Variants in PTPN21 observed in about 807,000 individuals in gnomAD.
PTPN21 encodes tyrosine-protein phosphatase non-receptor type 21.
A neutral mutation model predicts 131.8 loss-of-function variants in PTPN21; 77 were observed. The ratio of observed to expected loss-of-function variants is 0.58; its 90% CI spans 0.49 to 0.71. PTPN21 has a LOEUF of 0.71. PTPN21 is among the 30% of genes least tolerant of loss of function. The pLI, the probability that PTPN21 is intolerant of heterozygous loss-of-function variation, is 0.00. For synonymous variants in PTPN21, 715 were observed against 621.3 expected (o/e 1.15, Z -2.24); for missense variants, 1,552 against 1,527.1 (o/e 1.02, Z -0.27).
chr14:88,519,234 C>T (rs1261866263), intron 2 of PTPN21, among the ~76,000 whole-genome samples: 1 of 152,192 alleles, frequency 6.6e-6, no homozygotes, highest in Non-Finnish European at 1.5e-5. Flanking sequence ...ATACTTGCCT[C>T]AAAATCAATC....
chr14:88,507,074 A>G (rs948071947), intron 4 of PTPN21, among the ~76,000 whole-genome samples: 2 of 151,816 alleles, frequency 1.3e-5, no homozygotes, highest in African/African-American at 4.9e-5. Context: ...TAAATAAATA[A>G]GAAGAACTTA....
At chr14:88,481,749 G>A (rs777808508) in intron 12 of PTPN21, among the ~76,000 whole-genome samples, 3 of 152,162 alleles carry the variant, frequency 2.0e-5, no homozygotes, top group Non-Finnish European at 2.9e-5. Flanking sequence ...CAGTTAAGGG[G>A]ACTTGAGGGG....
intron 14 of PTPN21, among the ~76,000 whole-genome samples, chr14:88,472,788 T>C (rs1304902526): frequency 6.6e-6 from 1 of 152,212 alleles, no homozygotes; most frequent in East Asian, 1.9e-4. Context: ...GAGGATTGCT[T>C]GAGCCCAGGA....
rs749684956 is a variant in PTPN21, at chr14:88,469,697, G to A, written c.3037C>T (p.Arg1013Ter). 3.1e-6 allele frequency: 5 copies of A among 1,614,130 alleles called. No homozygotes were observed. Among genetic ancestry groups the A allele is most frequent in the East Asian group, 2.2e-5 (1 of 44,888 alleles). Residue 1013 changes from arginine to a stop codon, truncating the protein, a stop_gained, in exon 17 of 19, where the codon CGA becomes TGA. Transcript: ENST00000556564. LOFTEE classifies it high-confidence loss of function. The surrounding 1 kb of genome is among the most constrained non-coding windows in gnomAD (Gnocchi z 4.3). Reference sequence around the variant, plus strand: ...ACAGTGTTGTGCCTGGAACCAAGTCGTGGCCAGTACCTAAAGCTCTTCTCC... The same window carrying A: ...ACAGTGTTGTGCCTGGAACCAAGTCATGGCCAGTACCTAAAGCTCTTCTCC... ...GREKSFRYWP[R>*]LGSRHNTVTY...
In PTPN21 at chr14:88,550,629, G is replaced by T; in HGVS notation, c.-202-10C>A. ...AGCATTGACGCCAGCGCTGGGGAAAGAGGAACGCCGTTAGTTAAGCAAACG... is the reference window on the plus strand; with the variant it reads ...AGCATTGACGCCAGCGCTGGGGAAATAGGAACGCCGTTAGTTAAGCAAACG... On this transcript the variant is annotated splice_polypyrimidine_tract_variant and intron_variant, in intron 1 of 18. Transcript: ENST00000556564. The T allele has an allele frequency of 2.0e-6, 1 of 501,052 alleles. No individual in the cohort carries two copies. Among genetic ancestry groups the T allele is most frequent in the Non-Finnish European group, 3.5e-6 (1 of 285,064 alleles). 31.0% of individuals were successfully genotyped at this position (501,052 alleles called of 1,614,324 possible).
In PTPN21 at chr14:88,502,191, G is replaced by A. The variant is rs550032151; in HGVS notation, c.588-823C>T. On this transcript the variant is annotated intron_variant, in intron 6 of 18. Transcript: ENST00000556564. ...TGCATCTCCAGCCTCATCTTCCGATGCTCCCCGCTGTCCTCAAGGCACCCA... is the reference window on the plus strand; with the variant it reads ...TGCATCTCCAGCCTCATCTTCCGATACTCCCCGCTGTCCTCAAGGCACCCA... Among the ~76,000 whole-genome samples the A allele has an allele frequency of 1.1e-3, 166 of 152,190 alleles. 1 individual carries two copies. Among genetic ancestry groups the A allele is most frequent in the Middle Eastern group, 3.4e-3 (1 of 294 alleles).
intron 10 of PTPN21, among the ~76,000 whole-genome samples, chr14:88,486,277 C>T (rs2140109216): frequency 6.6e-6 from 1 of 152,330 alleles, no homozygotes; most frequent in South Asian, 2.1e-4. Flanking sequence ...CACTAACCTT[C>T]CTCCCGGGGG....
Position 88,546,405 on chromosome 14 carries a change from AAAAAATAC to A in PTPN21, c.180+3825_180+3832del, listed in dbSNP as rs1047666673. 1.7e-4 allele frequency among the ~76,000 whole-genome samples: 26 copies of A among 151,300 alleles called. 1 individual carries two copies. The highest frequency in any genetic ancestry group is 5.8e-4 in the African/African-American group (24 of 41,340). ...AAACCCCATCTCTACTTAAAAAAAA[AAAAAATAC>A]AAAAATACAAAAATTAGCCGGGCAT... On this transcript the variant is annotated intron_variant, in intron 2 of 18. Transcript: ENST00000556564.
Position 88,466,719 on chromosome 14 carries a change from C to G in PTPN21, c.*1418G>C, listed in dbSNP as rs2077369636. 1.3e-5 allele frequency: 2 copies of G among 152,104 alleles called. No homozygotes were observed. The highest frequency in any genetic ancestry group is 2.9e-5 in the Non-Finnish European group (2 of 68,030). 9.4% of individuals were successfully genotyped at this position (152,104 alleles called of 1,614,324 possible). ...CCTGGCTCTGTCTATTGGGATGTGC[C>G]TAAATGGGATGGGTGAGGGGGCACT... On this transcript the variant is annotated 3_prime_UTR_variant, in exon 19 of 19. Transcript: ENST00000556564.
At chr14:88,533,488 A>T (rs2078581656) in intron 2 of PTPN21, among the ~76,000 whole-genome samples, 1 of 152,252 alleles carries the variant, frequency 6.6e-6, no homozygotes, top group South Asian at 2.1e-4. Context: ...CAGCACATAC[A>T]ACTATGTACA....
intron 10 of PTPN21, among the ~76,000 whole-genome samples, chr14:88,486,514 T>TA (rs567734311): frequency 1.6e-3 from 250 of 152,182 alleles, no homozygotes; most frequent in African/African-American, 5.7e-3. Flanking sequence ...CCCCATCTTT[T>TA]AAAAAACTCA....
chr14:88,553,404 A>T (rs2078890733), intron 1 of PTPN21, among the ~76,000 whole-genome samples: 1 of 152,164 alleles, frequency 6.6e-6, no homozygotes, highest in Admixed American at 6.5e-5. Context: ...AATTTTCAGT[A>T]ATATGCAGTA....
intron 9 of PTPN21, 145 bp from the exon 10 acceptor site, chr14:88,496,637 CTG>C: frequency 1.5e-6 from 1 of 645,780 alleles, no homozygotes; most frequent in East Asian, 2.7e-5. Context: ...TTTTCCAACA[CTG>C]TGCCCATGGT....
intron 2 of PTPN21, among the ~76,000 whole-genome samples, chr14:88,541,724 A>T (rs1243464140): frequency 1.3e-5 from 2 of 152,212 alleles, no homozygotes; most frequent in Admixed American, 1.3e-4. Flanking sequence ...GCCAAAGAAA[A>T]AAAGGGCATC....
chr14:88,487,837 G>A (rs898313330), intron 10 of PTPN21, among the ~76,000 whole-genome samples: 2 of 151,846 alleles, frequency 1.3e-5, no homozygotes, highest in African/African-American at 4.8e-5. Flanking sequence ...GCGGTGGCAG[G>A]CGCCTGTAAT....
chr14:88,547,359 G>A (rs746319063), intron 2 of PTPN21, among the ~76,000 whole-genome samples: 18 of 149,178 alleles, frequency 1.2e-4, no homozygotes, highest in Middle Eastern at 3.5e-3. Context: ...TAGAATATAA[G>A]CCACTAAGCC....
intron 4 of PTPN21, among the ~76,000 whole-genome samples, chr14:88,507,616 A>C (rs7143642): frequency 6.6e-6 from 1 of 151,990 alleles, no homozygotes; most frequent in Non-Finnish European, 1.5e-5. Flanking sequence ...TTTGTTGAAC[A>C]AAATGTCATT....
intron 10 of PTPN21, among the ~76,000 whole-genome samples, chr14:88,495,553 G>C (rs1360968726): frequency 6.6e-6 from 1 of 152,178 alleles, no homozygotes; most frequent in Non-Finnish European, 1.5e-5. Context: ...CCAGCTACTC[G>C]GGAGGCTGAG....
At chr14:88,537,454 G>A (rs1375978313) in intron 2 of PTPN21, among the ~76,000 whole-genome samples, 1 of 152,086 alleles carries the variant, frequency 6.6e-6, no homozygotes. Context: ...TGTTTAGAAA[G>A]ATTCATCTAT....
Sources: gnomAD v4.1 joint callset for allele counts (sites outside exome capture counted in the v4.1 genomes callset) on GRCh38, gnomAD v4.1.1 for gene constraint, Gnocchi (gnomAD v3.1) non-coding constraint, MANE v1.5 for transcripts, NCBI Gene and HGNC (gene_info 2026-07-23, HGNC 2026-07-21) for gene names.